The following PRDM15 variants were observed in gnomAD, a reference collection of about 807,000 sequenced individuals.
PRDM15 encodes the protein PR/SET domain 15.
Under a neutral mutation model 128.6 loss-of-function variants are expected in PRDM15, and 64 were observed. The ratio of observed to expected loss-of-function variants is 0.50; its 90% CI spans 0.41 to 0.61. PRDM15 has a LOEUF of 0.61. Ranked by LOEUF, PRDM15 falls within the 20% of genes least tolerant of loss-of-function variation. The probability of loss-of-function intolerance (pLI) is 0.00; values close to 1 mark genes in which losing one functional copy is unlikely to be tolerated. For missense variants in PRDM15, 1,242 were observed against 1,569.1 expected (o/e 0.79, Z 3.52); for synonymous variants, 615 against 621.8 (o/e 0.99, Z 0.16).
Position 41,838,034 on chromosome 21 carries a change from G to A in PRDM15, c.901C>T (p.Pro301Ser). 1.2e-6 allele frequency: 2 copies of A among 1,614,134 alleles called. No homozygotes were observed. Among genetic ancestry groups the A allele is most frequent in the Non-Finnish European group, 1.7e-6 (2 of 1,180,014 alleles). Residue 301 changes from proline (P) to serine (S), a missense_variant, in exon 8 of 24, where the codon CCT becomes TCT. By Grantham distance (74) the Pro-to-Ser change is moderately conservative. This residue lies in a region of PRDM15 where 612 missense variants were observed against 717.0 expected (regional missense o/e 0.85). Coordinates refer to ENST00000398548, the MANE Select transcript of PRDM15 (RefSeq NM_001040424.3). ...GTTGCACTCACAGGCTCATCCGGAG[G>A]GACCTCGGTAATGATCTCTGCCACT... is the stretch of plus-strand genomic sequence containing the variant. Reference protein sequence around the residue: ...EQVAEIITEVPPDEPVSATPD... With the variant: ...EQVAEIITEVSPDEPVSATPD...
At chr21:41,833,179 G>A (rs1459519749) in intron 11 of PRDM15, among the ~76,000 whole-genome samples, 1 of 152,184 alleles carries the variant, frequency 6.6e-6, no homozygotes. Context: ...CCGTAGCACA[G>A]TACTTATGGT....
intron 21 of PRDM15, among the ~76,000 whole-genome samples, chr21:41,806,024 CCACCACCATCACCACCACCAT>C (rs2061566508): frequency 1.7e-4 from 2 of 11,554 alleles, no homozygotes; most frequent in South Asian, 1.9e-3. Flanking sequence ...ACCATCACCA[CCACCACCATCACCACCACCAT>C]CACCACCACC....
chr21:41,868,040 A>G lies in PRDM15; in HGVS notation c.-9-7668T>C, dbSNP rs908855961. Among the ~76,000 whole-genome samples, 236 of 140,988 alleles carry G rather than the reference A, an allele frequency of 1.7e-3. 3 individuals are homozygous for G. The highest frequency in any genetic ancestry group is 6.6e-3 in the African/African-American group (226 of 34,448). 92.5% of individuals were successfully genotyped at this position (140,988 alleles called of 152,430 possible). On this transcript the variant is annotated intron_variant, in intron 1 of 23. Transcript: ENST00000398548. ...TGCAGCCTGGGCAACATTGTCTCAAAAAAAAAAAAAAAAAGAATGTCATAT... is the reference window on the plus strand; with the variant it reads ...TGCAGCCTGGGCAACATTGTCTCAAGAAAAAAAAAAAAAAGAATGTCATAT...
intron 3 of PRDM15, among the ~76,000 whole-genome samples, chr21:41,858,088 A>G (rs2063693120): frequency 6.6e-6 from 1 of 152,252 alleles, no homozygotes; most frequent in Non-Finnish European, 1.5e-5. Context: ...CTGAGGAGCC[A>G]TATGAAGAGC....
chr21:41,815,035 G>A (rs1290081838), intron 19 of PRDM15: 1 of 155,262 alleles, frequency 6.4e-6, no homozygotes, highest in Non-Finnish European at 1.4e-5. Flanking sequence ...GTTAGTGATT[G>A]CGCAGGGTGC....
In PRDM15 at chr21:41,810,490, GCA is replaced by G; in HGVS notation, c.2477-163_2477-162del. 2 of 755,644 alleles carry G rather than the reference GCA, an allele frequency of 2.6e-6. No individual in the cohort carries two copies. The highest frequency in any genetic ancestry group is 4.3e-6 in the Non-Finnish European group (2 of 468,586). The allele number at this position is 755,644 out of a possible 1,614,324, so 46.8% of individuals were successfully genotyped here. A position where few individuals can be genotyped will look rare whatever the true frequency, so the allele number is the denominator to read the frequency against. On this transcript the variant is annotated intron_variant, in intron 20 of 23. Transcript: ENST00000398548. The surrounding 1 kb of genome is among the most constrained non-coding windows in gnomAD (Gnocchi z 6.4). Reference sequence around the variant, plus strand: ...GGTGCTGGTCCCCGAGCACACATGAGCACAGAGCCTCTGTCCCTTGGGGAGCA... The same window carrying G: ...GGTGCTGGTCCCCGAGCACACATGAGCAGAGCCTCTGTCCCTTGGGGAGCA...
At chr21:41,812,817 T>A (rs1385149350) in intron 19 of PRDM15, 1 of 152,364 alleles carries the variant, frequency 6.6e-6, no homozygotes, top group Non-Finnish European at 1.5e-5. Context: ...CTGTGGGGGA[T>A]GATCGCCAGG....
chr21:41,868,980 G>A (rs1280254256), intron 1 of PRDM15, among the ~76,000 whole-genome samples: 1 of 152,086 alleles, frequency 6.6e-6, no homozygotes, highest in Non-Finnish European at 1.5e-5. Context: ...GAGCCACTGC[G>A]CCCGGCCCTC....
chr21:41,855,728 A>C (rs1164920713), intron 4 of PRDM15, among the ~76,000 whole-genome samples: 16 of 152,204 alleles, frequency 1.1e-4, no homozygotes, highest in Admixed American at 8.5e-4. Flanking sequence ...CAAAATGGGC[A>C]CAAAAGACTT....
At chr21:41,874,526 T>TATA (rs370122401) in intron 1 of PRDM15, among the ~76,000 whole-genome samples, 149 of 41,194 alleles carry the variant, frequency 3.6e-3, no homozygotes, top group South Asian at 4.9e-3. Flanking sequence ...TATATATATA[T>TATA]TTTTTTTTTT....
chr21:41,834,592 A>C, intron 11 of PRDM15: 15 of 1,536,240 alleles, frequency 9.8e-6, no homozygotes, highest in Non-Finnish European at 1.3e-5. Context: ...CAAAGGCAAC[A>C]GTGACTCACC....
chr21:41,831,922 C>A (rs1042114838), intron 11 of PRDM15, among the ~76,000 whole-genome samples: 2 of 152,232 alleles, frequency 1.3e-5, no homozygotes, highest in East Asian at 3.8e-4. Context: ...CGCTGAGTCC[C>A]AGCCTAACAT....
At chr21:41,878,030 G>A (rs934995471) in intron 1 of PRDM15, among the ~76,000 whole-genome samples, 1 of 152,260 alleles carries the variant, frequency 6.6e-6, no homozygotes, top group African/African-American at 2.4e-5. Context: ...ACAAAATACG[G>A]TAGTGGTGTG....
Position 41,810,528 on chromosome 21 carries a change from C to A in PRDM15, c.2477-199G>T. On this transcript the variant is annotated intron_variant, in intron 20 of 23. Coordinates refer to ENST00000398548, the MANE Select transcript of PRDM15 (RefSeq NM_001040424.3). This position sits in a 1 kb window ranked among gnomAD's most constrained non-coding sequence, Gnocchi z 6.4. Reference sequence around the variant, plus strand: ...GTCCCTTGGGGAGCACTGCCAGCAGCAGCTGCATCACGGAACCAATATGAG... The same window carrying A: ...GTCCCTTGGGGAGCACTGCCAGCAGAAGCTGCATCACGGAACCAATATGAG... 1.5e-6 allele frequency: 1 copy of A among 651,494 alleles called. No individual in the cohort carries two copies. The allele number at this position is 651,494 out of a possible 1,614,324, so 40.4% of individuals were successfully genotyped here.
intron 8 of PRDM15, 50 bp from the exon 9 acceptor site, chr21:41,836,699 C>G: frequency 1.3e-6 from 2 of 1,513,586 alleles, no homozygotes; most frequent in Admixed American, 3.6e-5. Flanking sequence ...GAAAAAAGTT[C>G]CAGGTTACAA....
chr21:41,802,781 T>C lies in PRDM15; in HGVS notation c.2874A>G (p.Ser958=), dbSNP rs765005978. ...TGCCTGTGAACTCCGTCTCTTTCTC[T>C]GAGTATTCGCTGAAGGTGGCGTCCT... The part of the protein sequence containing the change: ...VPEDATFSEY[S]EKETEFTGSV... The change falls in exon 23 of 24, where the codon TCA becomes TCG. Residue 958 remains serine, a synonymous_variant. Coordinates refer to ENST00000398548, the MANE Select transcript of PRDM15 (RefSeq NM_001040424.3). 8 of 1,614,184 alleles carry C rather than the reference T, an allele frequency of 5.0e-6. No homozygotes were observed. In the Middle Eastern group the frequency reaches 6.6e-4, roughly 133 times the overall value.
intron 10 of PRDM15, among the ~76,000 whole-genome samples, chr21:41,835,845 T>TCTCAGGGACGCTTGGACACCCACAGCCCA (rs2062858527): frequency 6.6e-6 from 1 of 151,156 alleles, no homozygotes. Flanking sequence ...CCCACAGCCT[T>TCTCAGGGACGCTTGGACACCCACAGCCCA]CACCCGCTCT....
Position 41,837,949 on chromosome 21 carries a change from G to C in PRDM15, c.986C>G (p.Thr329Ser). ...LGKLATTTTD[T>S]SSVPKFTHHQ... Reference sequence around the variant, plus strand: ...CAGGACTTACTTTGGAACCGAGCTGGTGTCAGTGGTGGTGGTGGCCAGCTT... The same window carrying C: ...CAGGACTTACTTTGGAACCGAGCTGCTGTCAGTGGTGGTGGTGGCCAGCTT... The change falls in exon 8 of 24, where the codon ACC (threonine) becomes AGC (serine). Residue 329 changes from threonine (T) to serine (S), a missense_variant. Around this residue, in one of 3 missense-constraint regions of PRDM15, gnomAD observed 612 missense variants for 717.0 expected, o/e 0.85. Transcript: ENST00000398548. 1 of 1,614,224 alleles carries C rather than the reference G, an allele frequency of 6.2e-7. No individual in the cohort carries two copies. The highest frequency in any genetic ancestry group is 8.5e-7 in the Non-Finnish European group (1 of 1,180,034).
intron 6 of PRDM15, among the ~76,000 whole-genome samples, chr21:41,841,534 A>C (rs1369530243): frequency 6.6e-6 from 1 of 152,192 alleles, no homozygotes; most frequent in Non-Finnish European, 1.5e-5. Context: ...CAGAAATATA[A>C]AACAAAGGGA....
Sources: gnomAD v4.1 joint callset for allele counts (sites outside exome capture counted in the v4.1 genomes callset) on GRCh38, gnomAD v4.1.1 for gene constraint, gnomAD v4.1.1 regional missense constraint, Gnocchi (gnomAD v3.1) non-coding constraint, MANE v1.5 for transcripts, NCBI Gene and HGNC (gene_info 2026-07-23, HGNC 2026-07-21) for gene names.